Variants in FAM222B observed in about 807,000 individuals in gnomAD.
FAM222B encodes family with sequence similarity 222 member B.
Under a neutral mutation model 38.0 loss-of-function variants are expected in FAM222B, and 12 were observed. The ratio of observed to expected loss-of-function variants is 0.32; its 90% CI spans 0.20 to 0.51. FAM222B has a LOEUF of 0.51. Ranked by LOEUF, FAM222B falls within the 20% of genes least tolerant of loss-of-function variation. The pLI, the probability that FAM222B is intolerant of heterozygous loss-of-function variation, is 0.97. For missense variants in FAM222B, 716 were observed against 754.2 expected (o/e 0.95, Z 0.59); for synonymous variants, 329 against 317.2 (o/e 1.04, Z -0.40).
At chr17:28,792,803 GAAGA>G (rs1180534585) in intron 1 of FAM222B, among the ~76,000 whole-genome samples, 1 of 149,104 alleles carries the variant, frequency 6.7e-6, no homozygotes, top group Non-Finnish European at 1.5e-5. Context: ...AAAAAAGAAA[GAAGA>G]AACAAACAGA....
chr17:28,787,913 C>T (rs1201508214), intron 1 of FAM222B, among the ~76,000 whole-genome samples: 1 of 151,218 alleles, frequency 6.6e-6, no homozygotes, highest in Non-Finnish European at 1.5e-5. Flanking sequence ...CAACCTCCAC[C>T]TCCTGGGTTC....
At chr17:28,767,586 G>A (rs1339213292) in intron 1 of FAM222B, among the ~76,000 whole-genome samples, 1 of 151,930 alleles carries the variant, frequency 6.6e-6, no homozygotes, top group African/African-American at 2.4e-5. Context: ...AGCGATTCTC[G>A]TCCCTCAGCC....
chr17:28,835,022 TTTTGTGTG>T (rs1394027084), intron 1 of FAM222B, among the ~76,000 whole-genome samples: 30 of 53,486 alleles, frequency 5.6e-4, no homozygotes, highest in Non-Finnish European at 1.1e-3. Context: ...ACTCAGCTAA[TTTTGTGTG>T]TGTGTGTGTG....
At chr17:28,770,506 G>A (rs2035573405) in intron 1 of FAM222B, among the ~76,000 whole-genome samples, 1 of 151,770 alleles carries the variant, frequency 6.6e-6, no homozygotes, top group Non-Finnish European at 1.5e-5. Flanking sequence ...ACGTTCAAGC[G>A]ATTCTCCTGC....
At chr17:28,811,308 CAG>C in intron 1 of FAM222B, among the ~76,000 whole-genome samples, 1 of 152,192 alleles carries the variant, frequency 6.6e-6, no homozygotes, top group Admixed American at 6.6e-5. Context: ...GGTGTGGTGG[CAG>C]GCGCCTGTAA....
At chr17:28,846,722 C>T (rs2039148289), upstream of FAM222B, among the ~76,000 whole-genome samples, 1 of 152,092 alleles carries the variant, frequency 6.6e-6, no homozygotes, top group Non-Finnish European at 1.5e-5. Context: ...CCACAGCCCT[C>T]TCCTGCTCAA....
At chr17:28,819,895 C>G (rs969083857) in intron 1 of FAM222B, among the ~76,000 whole-genome samples, 2 of 152,162 alleles carry the variant, frequency 1.3e-5, no homozygotes, top group African/African-American at 4.8e-5. Flanking sequence ...AATGCAAAAG[C>G]AGATAATGCC....
rs2034732025 is a variant in FAM222B, at chr17:28,757,037, CTAAT to C, written c.*1229_*1232del. 1 of 152,586 alleles carries C rather than the reference CTAAT, an allele frequency of 6.6e-6. No individual in the cohort carries two copies. Among genetic ancestry groups the C allele is most frequent in the Admixed American group, 6.5e-5 (1 of 15,272 alleles). 9.5% of individuals were successfully genotyped at this position (152,586 alleles called of 1,614,324 possible). On this transcript the variant is annotated 3_prime_UTR_variant, in exon 3 of 3. Transcript: ENST00000581407. ...ATTACAGAAAAGTGTTTCTAGCCAA[CTAAT>C]TGTCGCTTGGGATGAGACGTGCTGA...
intron 1 of FAM222B, among the ~76,000 whole-genome samples, chr17:28,783,545 C>T (rs935304542): frequency 6.6e-5 from 10 of 150,456 alleles, no homozygotes; most frequent in African/African-American, 2.0e-4. Flanking sequence ...CAAAGTCTCG[C>T]TCTGTCGCCC....
intron 1 of FAM222B, among the ~76,000 whole-genome samples, chr17:28,820,838 A>G (rs1235653422): frequency 1.3e-5 from 2 of 151,542 alleles, no homozygotes; most frequent in Non-Finnish European, 2.9e-5. Context: ...GGTTTTCACC[A>G]TGTTGGCCAG....
chr17:28,791,579 AC>A (rs1353092214), intron 1 of FAM222B, among the ~76,000 whole-genome samples: 1 of 152,056 alleles, frequency 6.6e-6, no homozygotes, highest in Non-Finnish European at 1.5e-5. Flanking sequence ...AAAACAAAAA[AC>A]AAAAAAACAC....
At chr17:28,804,457 C>T (rs773344849) in intron 1 of FAM222B, among the ~76,000 whole-genome samples, 2 of 152,106 alleles carry the variant, frequency 1.3e-5, no homozygotes, top group Non-Finnish European at 2.9e-5. Flanking sequence ...GCCTCAGCCT[C>T]CCGAGTAGCT....
chr17:28,756,160 G>T lies in FAM222B; in HGVS notation c.*2110C>A. 1 of 152,968 alleles carries T rather than the reference G, an allele frequency of 6.5e-6. No homozygotes were observed. The allele number at this position is 152,968 out of a possible 1,614,324, so 9.5% of individuals were successfully genotyped here. ...ACAGGGAGTGTGGAGAGGAGGCCCT[G>T]GCTTGGACCCTTATTGCTGGCTGGG... is the stretch of plus-strand genomic sequence containing the variant. On this transcript the variant is annotated 3_prime_UTR_variant, in exon 3 of 3. Transcript: ENST00000581407.
At chr17:28,794,825 G>A (rs1368027594) in intron 1 of FAM222B, among the ~76,000 whole-genome samples, 3 of 151,980 alleles carry the variant, frequency 2.0e-5, no homozygotes, top group Non-Finnish European at 2.9e-5. Context: ...GGGCATGGTG[G>A]CTCATGCCTG....
At chr17:28,836,713 T>C (rs1339533243) in intron 1 of FAM222B, among the ~76,000 whole-genome samples, 2 of 152,138 alleles carry the variant, frequency 1.3e-5, no homozygotes, top group Non-Finnish European at 2.9e-5. Flanking sequence ...CTGTAATCTA[T>C]AGATAACATA....
intron 1 of FAM222B, among the ~76,000 whole-genome samples, chr17:28,812,862 A>T (rs2037850198): frequency 1.3e-5 from 2 of 150,854 alleles, no homozygotes; most frequent in Non-Finnish European, 3.0e-5. Flanking sequence ...ACCTGGAGAC[A>T]CTCGACAGTA....
At chr17:28,786,894 ATTTTTTTTTTTT>A (rs34396988) in intron 1 of FAM222B, among the ~76,000 whole-genome samples, 6 of 72,002 alleles carry the variant, frequency 8.3e-5, no homozygotes, top group South Asian at 6.4e-4. Context: ...CCTTCACTGT[ATTTTTTTTTTTT>A]TTTTTTTTTT....
intron 1 of FAM222B, among the ~76,000 whole-genome samples, chr17:28,837,881 G>A (rs1298010837): frequency 6.6e-6 from 1 of 152,094 alleles, no homozygotes; most frequent in East Asian, 1.9e-4. Flanking sequence ...TTGAATTCCT[G>A]ACCTCAAATG....
rs536154391 is a variant in FAM222B, at chr17:28,766,642, C to A, written c.26G>T (p.Gly9Val). 6.2e-7 allele frequency: 1 copy of A among 1,606,170 alleles called. No homozygotes were observed. The highest frequency in any genetic ancestry group is 1.3e-5 in the African/African-American group (1 of 74,880). Residue 9 changes from glycine (G) to valine (V), a missense_variant, in exon 2 of 3, where the codon GGT (glycine) becomes GTT (valine). Transcript: ENST00000581407. MLACLPGP[G>V]DLSFQLLSHT... ...AGAAAGAAGCTGAAAGGACAGGTCACCTGGCCCTGGTAGACAGGCTAGCAT... is the reference window on the plus strand; with the variant it reads ...AGAAAGAAGCTGAAAGGACAGGTCAACTGGCCCTGGTAGACAGGCTAGCAT...
Sources: allele counts gnomAD v4.1 joint callset (sites outside exome capture counted in the v4.1 genomes callset), GRCh38; gene constraint gnomAD v4.1.1; transcripts MANE v1.5; gene names NCBI Gene and HGNC (gene_info 2026-07-23, HGNC 2026-07-21).